SIPA1L1: variants seen among roughly 807,000 people sequenced by gnomAD.
The protein encoded by SIPA1L1 is signal-induced proliferation-associated 1-like protein 1.
In SIPA1L1, 26 loss-of-function variants were observed where a neutral mutation model predicts 162.7. That is an observed-to-expected ratio of 0.16 (90% CI 0.12 to 0.22). The LOEUF (loss-of-function observed/expected upper bound fraction) is 0.22, where lower values mean the gene tolerates loss of function less well. SIPA1L1 is among the 10% of genes least tolerant of loss of function. SIPA1L1 has a pLI of 1.00. For missense variants in SIPA1L1, 1,874 were observed against 2,241.0 expected, an observed-to-expected ratio of 0.84 and a Z score of 3.31; for synonymous variants, 829 against 837.4, an observed-to-expected ratio of 0.99 and a Z score of 0.17.
At chr14:71,444,403 G>C (rs1256052945) in intron 2 of SIPA1L1, among the ~76,000 whole-genome samples, 1 of 151,986 alleles carries the variant, frequency 6.6e-6, no homozygotes, top group Non-Finnish European at 1.5e-5. Flanking sequence ...CTTTTTTGGG[G>C]GGTTATAGGA....
At chr14:71,562,819 A>G (rs1475992127) in intron 4 of SIPA1L1, among the ~76,000 whole-genome samples, 1 of 152,036 alleles carries the variant, frequency 6.6e-6, no homozygotes, top group African/African-American at 2.4e-5. Context: ...ACACCCGGCT[A>G]ATTTTTTGTA....
intron 13 of SIPA1L1, among the ~76,000 whole-genome samples, chr14:71,691,360 G>T (rs1238700986): frequency 1.3e-5 from 2 of 152,178 alleles, no homozygotes; most frequent in Non-Finnish European, 2.9e-5. Context: ...GGGAGGCCAA[G>T]GCTGGTGCAT....
At chr14:71,602,480 C>G (rs2148044953) in intron 5 of SIPA1L1, among the ~76,000 whole-genome samples, 2 of 152,328 alleles carry the variant, frequency 1.3e-5, no homozygotes, top group Admixed American at 1.3e-4. Context: ...TCCTAACATA[C>G]AGTCTATCTT....
chr14:71,732,864 CAG>C (rs1398212090), intron 20 of SIPA1L1, among the ~76,000 whole-genome samples: 1 of 152,210 alleles, frequency 6.6e-6, no homozygotes, highest in Non-Finnish European at 1.5e-5. Flanking sequence ...CCCTCAACAG[CAG>C]AGAGGGCAGG....
intron 18 of SIPA1L1, 61 bp from the exon 19 acceptor site, chr14:71,724,609 T>A: frequency 7.1e-7 from 1 of 1,409,696 alleles, no homozygotes; most frequent in Non-Finnish European, 9.8e-7. Context: ...TTAGAGCCCA[T>A]CATGCCCTTG....
At position 71,428,943 on chromosome 14, in the gene SIPA1L1, T is replaced by C. The variant is rs1043851017; in HGVS notation, c.-464-83800T>C. ...TCAATGAACTGTTCAGGCTTTCTGC[T>C]AGAAGTTGCAAGTTTTCCATAGATT... On this transcript the variant is annotated intron_variant, in intron 2 of 23. Coordinates refer to ENST00000381232, the MANE Select transcript of SIPA1L1 (RefSeq NM_001386936.1). Among the ~76,000 whole-genome samples, 13 of 152,326 alleles carry C rather than the reference T, an allele frequency of 8.5e-5. 1 individual carries two copies. In the South Asian group the frequency reaches 1.9e-3, roughly 22 times the overall value.
intron 13 of SIPA1L1, among the ~76,000 whole-genome samples, chr14:71,695,746 C>T (rs1228286317): frequency 1.3e-5 from 2 of 152,184 alleles, no homozygotes; most frequent in Non-Finnish European, 2.9e-5. Flanking sequence ...ACACCTCCTC[C>T]CCTTTGCAGT....
chr14:71,504,814 C>G (rs1272679825), intron 2 of SIPA1L1, among the ~76,000 whole-genome samples: 1 of 152,076 alleles, frequency 6.6e-6, no homozygotes, highest in African/African-American at 2.4e-5. Flanking sequence ...GGACTTCTAC[C>G]TTTTTTAGAA....
chr14:71,734,868 G>A (rs2085141262), intron 21 of SIPA1L1, among the ~76,000 whole-genome samples: 1 of 152,202 alleles, frequency 6.6e-6, no homozygotes, highest in South Asian at 2.1e-4. Flanking sequence ...AAGCCAACCA[G>A]AGTGTCCAGG....
At chr14:71,618,530 G>C (rs978793303) in intron 5 of SIPA1L1, among the ~76,000 whole-genome samples, 1 of 152,154 alleles carries the variant, frequency 6.6e-6, no homozygotes, top group African/African-American at 2.4e-5. Context: ...CTGTAGAGTA[G>C]TAAAAAACTC....
intron 3 of SIPA1L1, among the ~76,000 whole-genome samples, chr14:71,513,490 G>A (rs2051377277): frequency 6.6e-6 from 1 of 151,972 alleles, no homozygotes; most frequent in South Asian, 2.1e-4. Context: ...ACCGATTTTT[G>A]TTTTGTTTTG....
intron 5 of SIPA1L1, among the ~76,000 whole-genome samples, chr14:71,595,116 G>A (rs779001423): frequency 5.9e-5 from 9 of 152,174 alleles, no homozygotes; most frequent in African/African-American, 2.4e-5. Context: ...TTAAAAGGGC[G>A]TGGGCTTCAA....
chr14:71,646,049 C>A (rs1054586399), intron 7 of SIPA1L1, among the ~76,000 whole-genome samples: 1 of 152,182 alleles, frequency 6.6e-6, no homozygotes, highest in Non-Finnish European at 1.5e-5. Flanking sequence ...TGCAAAACTT[C>A]TGAAGAAGAC....
At chr14:71,698,890 T>G (rs1448821617) in intron 13 of SIPA1L1, 91 bp from the exon 14 acceptor site, 2 of 1,382,174 alleles carry the variant, frequency 1.4e-6, no homozygotes, top group Non-Finnish European at 2.0e-6. Context: ...GTCACTGTTT[T>G]TGTCACATTT....
At chr14:71,473,224 C>A (rs2047601065) in intron 2 of SIPA1L1, among the ~76,000 whole-genome samples, 1 of 151,892 alleles carries the variant, frequency 6.6e-6, no homozygotes, top group South Asian at 2.1e-4. Flanking sequence ...AACAAGATTA[C>A]CTTTATTTAA....
At chr14:71,675,938 T>C (rs2045121299) in intron 12 of SIPA1L1, among the ~76,000 whole-genome samples, 1 of 152,052 alleles carries the variant, frequency 6.6e-6, no homozygotes, top group South Asian at 2.1e-4. Context: ...AATGCAGCTT[T>C]TAAAATATAT....
chr14:71,554,151 G>T (rs2056135036), intron 4 of SIPA1L1, among the ~76,000 whole-genome samples: 1 of 152,138 alleles, frequency 6.6e-6, no homozygotes, highest in Non-Finnish European at 1.5e-5. Context: ...GTAGTTTAGA[G>T]ATTTTTTTCT....
At chr14:71,463,131 AT>A (rs1200335997) in intron 2 of SIPA1L1, among the ~76,000 whole-genome samples, 1 of 152,212 alleles carries the variant, frequency 6.6e-6, no homozygotes, top group Non-Finnish European at 1.5e-5. Flanking sequence ...CAAGTCCTTG[AT>A]GGTGGCATTA....
At chr14:71,334,917 G>A (rs967796787) in intron 2 of SIPA1L1, among the ~76,000 whole-genome samples, 1 of 152,150 alleles carries the variant, frequency 6.6e-6, no homozygotes, top group African/African-American at 2.4e-5. Context: ...TTTATTAAAT[G>A]TCTGTCATTA....
Sources: allele counts gnomAD v4.1 joint callset (sites outside exome capture counted in the v4.1 genomes callset), GRCh38; gene constraint gnomAD v4.1.1; transcripts MANE v1.5; gene names NCBI Gene and HGNC (gene_info 2026-07-23, HGNC 2026-07-21).